The following SGSM1 variants were observed in gnomAD, a reference collection of about 807,000 sequenced individuals.
The protein encoded by SGSM1 is RUN and TBC1 domain containing 2.
In SGSM1, 73 loss-of-function variants were observed where a neutral mutation model predicts 133.8. The observed-to-expected ratio is 0.55, with a 90% CI of 0.45 to 0.66. The LOEUF is 0.66. SGSM1 is among the 30% of genes least tolerant of loss of function. SGSM1 has a pLI of 0.00. For synonymous variants in SGSM1, 563 were observed against 573.0 expected, an observed-to-expected ratio of 0.98 and a Z score of 0.25; for missense variants, 1,213 against 1,448.1, an observed-to-expected ratio of 0.84 and a Z score of 2.64.
At chr22:24,879,413 G>T in intron 13 of SGSM1, 49 bp from the exon 14 acceptor site, 1 of 1,588,484 alleles carries the variant, frequency 6.3e-7, no homozygotes, top group Admixed American at 1.7e-5. Context: ...AGAAAATCTG[G>T]GCTGTGTTTG....
At chr22:24,848,061 C>G (rs1409128007) in intron 4 of SGSM1, among the ~76,000 whole-genome samples, 1 of 152,114 alleles carries the variant, frequency 6.6e-6, no homozygotes, top group Non-Finnish European at 1.5e-5. Context: ...ACTCCATCTT[C>G]TCTTCCATAT....
chr22:24,924,268 C>T lies in SGSM1; in HGVS notation c.3276C>T (p.Asn1092=), dbSNP rs1463395921. The stretch of plus-strand genomic sequence containing the variant: ...ACAAGGTGCAGACTCTGATTGAGAA[C>T]AAGTGAGGGGCACCTCACCCCGGCA... The part of the protein sequence containing the change: ...LVYKVQTLIE[N]K The change falls in exon 25 of 25, where the codon AAC becomes AAT. Residue 1092 remains asparagine, a synonymous_variant. Transcript: ENST00000400358. 2 of 1,613,818 alleles carry T rather than the reference C, an allele frequency of 1.2e-6. No homozygotes were observed. The highest frequency in any genetic ancestry group is 4.5e-5 in the East Asian group (2 of 44,878).
intron 5 of SGSM1, among the ~76,000 whole-genome samples, chr22:24,851,959 T>A (rs1200025776): frequency 6.6e-6 from 1 of 152,238 alleles, no homozygotes; most frequent in Non-Finnish European, 1.5e-5. Context: ...CATGAAGGTT[T>A]CTGGGCCTCT....
At chr22:24,826,691 T>C (rs938344943) in intron 2 of SGSM1, among the ~76,000 whole-genome samples, 3 of 151,974 alleles carry the variant, frequency 2.0e-5, no homozygotes, top group African/African-American at 7.3e-5. Flanking sequence ...CGATGGCAGG[T>C]GTGAGGCCCT....
chr22:24,888,695 C>T (rs995775998), intron 16 of SGSM1, among the ~76,000 whole-genome samples: 1 of 152,034 alleles, frequency 6.6e-6, no homozygotes, highest in Non-Finnish European at 1.5e-5. Flanking sequence ...AGAAGAATCG[C>T]TTGAACCTGG....
At chr22:24,881,956 C>G in intron 14 of SGSM1, among the ~76,000 whole-genome samples, 1 of 152,060 alleles carries the variant, frequency 6.6e-6, no homozygotes, top group Non-Finnish European at 1.5e-5. Flanking sequence ...GAAGGCAGGG[C>G]CATCTTTGAA....
At chr22:24,911,416 C>A (rs541536058) in intron 21 of SGSM1, among the ~76,000 whole-genome samples, 222 of 151,598 alleles carry the variant, frequency 1.5e-3, no homozygotes, top group African/African-American at 5.1e-3. Flanking sequence ...CTCAGCCTCC[C>A]GAGTAGCTGG....
At chr22:24,829,185 G>C (rs990418275) in intron 2 of SGSM1, among the ~76,000 whole-genome samples, 18 of 147,856 alleles carry the variant, frequency 1.2e-4, no homozygotes, top group African/African-American at 4.4e-4. Context: ...GAGAGAGTGA[G>C]GCTCCATCTC....
chr22:24,826,009 C>G (rs545171513), intron 2 of SGSM1, among the ~76,000 whole-genome samples: 1 of 149,814 alleles, frequency 6.7e-6, no homozygotes, highest in Admixed American at 6.6e-5. Flanking sequence ...CTGTGTGCCA[C>G]AAGCACTGTG....
At chr22:24,895,021 G>A (rs761260130) in intron 17 of SGSM1, among the ~76,000 whole-genome samples, 3 of 152,164 alleles carry the variant, frequency 2.0e-5, no homozygotes, top group Non-Finnish European at 2.9e-5. Flanking sequence ...AGGTCAAAGC[G>A]GTCTCTGAAG....
At chr22:24,817,589 G>A (rs980315094) in intron 2 of SGSM1, among the ~76,000 whole-genome samples, 8 of 152,224 alleles carry the variant, frequency 5.3e-5, no homozygotes, top group Middle Eastern at 3.4e-3. Flanking sequence ...CTGACCTCGC[G>A]ATCTTCCCAC....
chr22:24,885,293 A>T (rs1932537056), intron 15 of SGSM1, among the ~76,000 whole-genome samples: 1 of 152,154 alleles, frequency 6.6e-6, no homozygotes, highest in African/African-American at 2.4e-5. Flanking sequence ...TTTTCAAATA[A>T]GCATAAGGCA....
At chr22:24,879,010 G>A (rs1932175546) in intron 13 of SGSM1, among the ~76,000 whole-genome samples, 1 of 152,210 alleles carries the variant, frequency 6.6e-6, no homozygotes, top group South Asian at 2.1e-4. Flanking sequence ...TCCATCCTCA[G>A]ACAGGTGCTT....
chr22:24,808,987 T>C (rs142623091), intron 2 of SGSM1, among the ~76,000 whole-genome samples: 28 of 152,268 alleles, frequency 1.8e-4, no homozygotes, highest in South Asian at 4.1e-4. Flanking sequence ...GGCAGTACAG[T>C]TTCTACTGTA....
intron 12 of SGSM1, among the ~76,000 whole-genome samples, chr22:24,870,084 T>A (rs1333331411): frequency 6.6e-6 from 1 of 152,214 alleles, no homozygotes; most frequent in Non-Finnish European, 1.5e-5. Context: ...AGTGAGAGGC[T>A]CTTTTGAGAG....
intron 22 of SGSM1, among the ~76,000 whole-genome samples, chr22:24,914,017 G>A (rs1297017801): frequency 2.6e-5 from 4 of 151,880 alleles, no homozygotes; most frequent in Non-Finnish European, 5.9e-5. Flanking sequence ...TTGGCCGGGT[G>A]CAGTGACTCA....
intron 4 of SGSM1, 48 bp from the exon 5 acceptor site, chr22:24,850,232 A>T: frequency 2.6e-6 from 4 of 1,534,910 alleles, no homozygotes; most frequent in Non-Finnish European, 3.5e-6. Context: ...AGTCCTGTGT[A>T]GATTTGCTCT....
rs749902867 is a variant in SGSM1, at chr22:24,868,839, C to T, written c.1275C>T (p.Gly425=). Residue 425 remains glycine, a synonymous_variant, in exon 12 of 25, where the codon GGC becomes GGT. Coordinates refer to ENST00000400358, the MANE Select transcript of SGSM1 (RefSeq NM_001098497.3). ...ATGTGTTCAGGATCATCTACCCTGG[C>T]ATGCAGTCGGAATTCGGTGAGCTGC... ...TDYVFRIIYP[G]MQSEFVPQDL... The T allele has an allele frequency of 3.8e-5, 62 of 1,613,862 alleles. 1 individual carries two copies. In the South Asian group the frequency reaches 6.7e-4, roughly 17 times the overall value.
chr22:24,888,525 T>C (rs1042655383), intron 16 of SGSM1, among the ~76,000 whole-genome samples: 5 of 152,144 alleles, frequency 3.3e-5, no homozygotes, highest in Admixed American at 3.3e-4. Context: ...CCCAGCACTT[T>C]GGGAGGCCGA....
Sources: allele counts gnomAD v4.1 joint callset (sites outside exome capture counted in the v4.1 genomes callset), GRCh38; gene constraint gnomAD v4.1.1; transcripts MANE v1.5; gene names NCBI Gene and HGNC (gene_info 2026-07-23, HGNC 2026-07-21).